Variants in SMARCA4 observed in about 807,000 individuals in gnomAD.
SMARCA4 encodes SWI/SNF-related matrix-associated actin-dependent regulator of chromatin subfamily A member 4.
In SMARCA4, 31 loss-of-function variants were observed where a neutral mutation model predicts 193.9. The ratio of observed to expected loss-of-function variants is 0.16; its 90% CI spans 0.12 to 0.22. The LOEUF is 0.22. SMARCA4 is among the 10% of genes least tolerant of loss of function. The probability of loss-of-function intolerance (pLI) is 1.00; values close to 1 mark genes in which losing one functional copy is unlikely to be tolerated. For synonymous variants in SMARCA4, 942 were observed against 933.1 expected (o/e 1.01, Z -0.17); for missense variants, 1,148 against 2,296.0 (o/e 0.50, Z 10.22).
chr19:11,042,973 C>T (rs1002301196), intron 30 of SMARCA4, among the ~76,000 whole-genome samples: 2 of 152,020 alleles, frequency 1.3e-5, no homozygotes, highest in Non-Finnish European at 2.9e-5. Flanking sequence ...AAGACGCCCA[C>T]TCCAAAAACA....
intron 1 of SMARCA4, among the ~76,000 whole-genome samples, chr19:10,967,741 G>GC (rs1457760798): frequency 2.1e-5 from 3 of 145,330 alleles, no homozygotes; most frequent in Non-Finnish European, 3.0e-5. Flanking sequence ...CTGGAGTGCA[G>GC]CGGTGTGATC....
chr19:10,997,124 A>G lies in SMARCA4; in HGVS notation c.1812+580A>G, dbSNP rs538696760. On this transcript the variant is annotated intron_variant, in intron 11 of 34. Transcript: ENST00000344626. ...AGCCTCCGCCCCGCGAGTTCAATCA[A>G]TTGTCCTGCCTCAGCCTCCTGAGTA... is the stretch of plus-strand genomic sequence containing the variant. Among the ~76,000 whole-genome samples, 849 of 152,186 alleles carry G rather than the reference A, an allele frequency of 5.6e-3. 10 individuals carry two copies. The highest frequency in any genetic ancestry group is 0.02 in the African/African-American group (820 of 41,510).
At chr19:11,006,081 A>G (rs2088172498) in intron 13 of SMARCA4, among the ~76,000 whole-genome samples, 2 of 152,240 alleles carry the variant, frequency 1.3e-5, no homozygotes, top group Non-Finnish European at 2.9e-5. Flanking sequence ...CCTAAGGGAA[A>G]TCCTACTGGC....
chr19:10,990,150 TG>T (rs901392179), intron 7 of SMARCA4, among the ~76,000 whole-genome samples: 21 of 151,108 alleles, frequency 1.4e-4, no homozygotes, highest in African/African-American at 5.1e-4. Context: ...CCATTACACC[TG>T]GCTATATTTT....
intron 18 of SMARCA4, among the ~76,000 whole-genome samples, chr19:11,020,260 A>C (rs954056301): frequency 1.3e-5 from 2 of 152,178 alleles, no homozygotes; most frequent in African/African-American, 2.4e-5. Flanking sequence ...CAGCGTGGCC[A>C]TGACTGAGAA....
rs2076664922 is a variant in SMARCA4 at position 11,058,362 on chromosome 19, A to G, written c.4532A>G (p.Lys1511Arg). ...IRKPVDFKKI[K>R]ERIRNHKYRS... ...AAGCCCGTGGACTTCAAGAAGATAA[A>G]GGTAACCCTGACGTTGTACCTGCGC... Residue 1511 changes from lysine (K) to arginine (R), a missense_variant and splice_region_variant, in exon 31 of 35, where the codon AAG (lysine) becomes AGG (arginine). This residue lies in a region of SMARCA4 where 141 missense variants were observed against 193.0 expected (regional missense o/e 0.73). Transcript: ENST00000344626. The surrounding 1 kb of genome is among the most constrained non-coding windows in gnomAD (Gnocchi z 5.8). 4.4e-6 allele frequency: 7 copies of G among 1,604,616 alleles called. No individual in the cohort carries two copies. Among genetic ancestry groups the G allele is most frequent in the Non-Finnish European group, 6.0e-6 (7 of 1,171,700 alleles).
At chr19:11,017,990 G>A (rs1424585471) in intron 16 of SMARCA4, among the ~76,000 whole-genome samples, 3 of 152,224 alleles carry the variant, frequency 2.0e-5, no homozygotes, top group African/African-American at 7.2e-5. Context: ...TGCTCCCCAC[G>A]CTTCTTCAGG....
rs779905015 is a variant in SMARCA4, at chr19:11,061,845, C to A, written c.*29C>A. On this transcript the variant is annotated 3_prime_UTR_variant, in exon 35 of 35. Coordinates refer to ENST00000344626, the MANE Select transcript of SMARCA4 (RefSeq NM_003072.5). ...CCGACATTCCAGTCTCGACCCCGAG[C>A]CCCTCGTTCCAGAGCTGAGATGGCA... 2 of 1,611,138 alleles carry A rather than the reference C, an allele frequency of 1.2e-6. No individual in the cohort carries two copies. Among genetic ancestry groups the A allele is most frequent in the African/African-American group, 2.7e-5 (2 of 74,894 alleles).
intron 15 of SMARCA4, chr19:11,010,802 T>C (rs1312315742): frequency 1.2e-5 from 6 of 495,070 alleles, no homozygotes; most frequent in South Asian, 5.8e-5. Context: ...TGCACTCCAG[T>C]GGCCTCACAG....
intron 9 of SMARCA4, chr19:10,995,352 C>T (rs534556773): frequency 1.7e-4 from 84 of 489,298 alleles, no homozygotes; most frequent in African/African-American, 1.4e-3. Flanking sequence ...GTGACTGAGT[C>T]GCTGGTTGGG....
At position 10,973,150 on chromosome 19, in the gene SMARCA4, G is replaced by T. The variant is rs547011592; in HGVS notation, c.-31-10971G>T. Among the ~76,000 whole-genome samples the T allele has an allele frequency of 3.9e-3, 586 of 152,198 alleles. 4 individuals carry two copies. The highest frequency in any genetic ancestry group is 6.9e-3 in the Non-Finnish European group (472 of 68,010). The stretch of plus-strand genomic sequence containing the variant: ...GAATGGGGTTATTGATGTTCCACAG[G>T]GAGCGTGGGTCAGGATGGATTTGTG... On this transcript the variant is annotated intron_variant, in intron 1 of 34. Transcript: ENST00000344626.
At chr19:10,970,246 G>A (rs550449869) in intron 1 of SMARCA4, among the ~76,000 whole-genome samples, 81 of 152,254 alleles carry the variant, frequency 5.3e-4, no homozygotes, top group African/African-American at 1.9e-3. Flanking sequence ...AGTCGTATCC[G>A]TTATAATAAA....
intron 1 of SMARCA4, among the ~76,000 whole-genome samples, chr19:10,962,877 C>T (rs2083917445): frequency 6.6e-6 from 1 of 152,114 alleles, no homozygotes; most frequent in Non-Finnish European, 1.5e-5. Context: ...CTCGGACTAG[C>T]CATTGTTCCC....
chr19:10,987,838 A>G lies in SMARCA4; in HGVS notation c.1032A>G (p.Pro344=), dbSNP rs1555755154. ...GQPAQPAPMV[P]LHQKQSRITP... is the part of the protein sequence containing the mutation. ...CGGCCCAGCCCGCGCCCATGGTGCC[A>G]CTGCACCAGAAGCAGAGCCGCATCA... The change falls in exon 6 of 35, where the codon CCA becomes CCG. Residue 344 remains proline (P), a synonymous_variant. Coordinates refer to ENST00000344626, the MANE Select transcript of SMARCA4 (RefSeq NM_003072.5). This position sits in a 1 kb window ranked among gnomAD's most constrained non-coding sequence, Gnocchi z 5.3. The G allele has an allele frequency of 1.2e-6, 2 of 1,610,814 alleles. No homozygotes were observed. Among genetic ancestry groups the G allele is most frequent in the South Asian group, 1.1e-5 (1 of 90,724 alleles).
At chr19:10,974,250 C>G (rs1466613811) in intron 1 of SMARCA4, among the ~76,000 whole-genome samples, 1 of 152,080 alleles carries the variant, frequency 6.6e-6, no homozygotes, top group Non-Finnish European at 1.5e-5. Flanking sequence ...AAAGAAGAGA[C>G]CAGACCTCTT....
chr19:11,013,191 A>T (rs2089024374), intron 16 of SMARCA4, 79 bp downstream of exon 16: 1 of 1,502,210 alleles, frequency 6.7e-7, no homozygotes, highest in Non-Finnish European at 9.2e-7. Context: ...CCGCAGTAGA[A>T]TACCACAAAC....
chr19:11,009,992 T>C (rs2088661735), intron 14 of SMARCA4, among the ~76,000 whole-genome samples: 1 of 152,038 alleles, frequency 6.6e-6, no homozygotes, highest in African/African-American at 2.4e-5. Context: ...CCCAGCCTAA[T>C]TTTTGTTTTT....
At chr19:10,966,068 C>T (rs1004494150) in intron 1 of SMARCA4, among the ~76,000 whole-genome samples, 2 of 149,142 alleles carry the variant, frequency 1.3e-5, no homozygotes, top group African/African-American at 2.5e-5. Context: ...CTGCAACATC[C>T]GACTGCAGAG....
chr19:10,981,061 A>C (rs1295055640), intron 1 of SMARCA4, among the ~76,000 whole-genome samples: 1 of 152,146 alleles, frequency 6.6e-6, no homozygotes, highest in African/African-American at 2.4e-5. Flanking sequence ...TGTCAGTTTC[A>C]GTTTATTTGA....
Sources: allele counts gnomAD v4.1 joint callset (sites outside exome capture counted in the v4.1 genomes callset), GRCh38; gene constraint gnomAD v4.1.1; regional missense constraint gnomAD v4.1.1; non-coding constraint Gnocchi (gnomAD v3.1); transcripts MANE v1.5; gene names NCBI Gene and HGNC (gene_info 2026-07-23, HGNC 2026-07-21).